SEMA4C: variants seen among roughly 807,000 people sequenced by gnomAD.
SEMA4C encodes semaphorin-4C.
In SEMA4C, 19 loss-of-function variants were observed where a neutral mutation model predicts 89.0. That is an observed-to-expected ratio of 0.21 (90% confidence interval 0.15 to 0.31). The LOEUF is 0.31. Ranked by LOEUF, SEMA4C falls within the 10% of genes least tolerant of loss-of-function variation. The probability of loss-of-function intolerance (pLI) is 1.00; values close to 1 mark genes in which losing one functional copy is unlikely to be tolerated. For missense variants in SEMA4C, 811 were observed against 1,107.0 expected, an observed-to-expected ratio of 0.73 and a Z score of 3.79; for synonymous variants, 428 against 472.7, an observed-to-expected ratio of 0.91 and a Z score of 1.23.
rs752087989 is a variant in SEMA4C at position 96,861,107 on chromosome 2, G to A, written c.2021C>T (p.Ala674Val). 17 of 1,611,772 alleles carry A rather than the reference G, an allele frequency of 1.1e-5. No individual in the cohort carries two copies. In the South Asian group the frequency reaches 1.9e-4, roughly 18 times the overall value. The change falls in exon 15 of 15, where the codon GCT becomes GTT. Residue 674 changes from alanine to valine, a missense_variant. Ala to Val is a moderately conservative substitution (Grantham distance 64, BLOSUM62 0). Transcript: ENST00000305476. The surrounding 1 kb of genome is among the most constrained non-coding windows in gnomAD (Gnocchi z 7.8). ...CAGCAGCAGCAGCACCAGGCACACAGCCCCCAGGGCCACCACCGCCAGCCA... is the reference window on the plus strand; with the variant it reads ...CAGCAGCAGCAGCACCAGGCACACAACCCCCAGGGCCACCACCGCCAGCCA... ...LVWLAVVALG[A>V]VCLVLLLLVL...
intron 1 of SEMA4C, chr2:96,868,437 G>C (rs372099937): frequency 1.0e-6 from 1 of 1,001,002 alleles, no homozygotes; most frequent in African/African-American, 1.7e-5. Flanking sequence ...GGCTGCGAGC[G>C]GAGGTCCCGG....
At chr2:96,869,258 C>T in intron 1 of SEMA4C, 1 of 985,386 alleles carries the variant, frequency 1.0e-6, no homozygotes, top group Non-Finnish European at 1.2e-6. Context: ...CCCGCAGCTC[C>T]CCCCAGGGCG....
intron 1 of SEMA4C, chr2:96,868,871 G>C (rs920446944): frequency 1.0e-6 from 1 of 985,312 alleles, no homozygotes. Context: ...GCGCCCCAGG[G>C]ACCCTGGCCT....
chr2:96,868,809 C>G (rs2080142007), intron 1 of SEMA4C: 1 of 985,306 alleles, frequency 1.0e-6, no homozygotes, highest in Middle Eastern at 5.2e-4. Flanking sequence ...CGCGCACGGC[C>G]GGCACCCGCT....
At chr2:96,867,747 T>C (rs1161973072) in intron 2 of SEMA4C, 31 bp downstream of exon 2, 2 of 1,604,674 alleles carry the variant, frequency 1.2e-6, no homozygotes, top group Middle Eastern at 1.7e-4. Context: ...AGCCTGTCCC[T>C]GACTTCCTCC....
At chr2:96,869,739 C>T (rs992335363) in intron 1 of SEMA4C, 137 bp downstream of exon 1, 2 of 985,424 alleles carry the variant, frequency 2.0e-6, no homozygotes, top group Non-Finnish European at 2.4e-6. Context: ...CCGCGTACAG[C>T]CGTCTCCGCC....
At position 96,867,943 on chromosome 2, in the gene SEMA4C, G is replaced by A. The variant is rs541702862; in HGVS notation, c.-37-20C>T. 1.2e-6 allele frequency: 2 copies of A among 1,612,052 alleles called. No individual in the cohort carries two copies. The highest frequency in any genetic ancestry group is 8.5e-7 in the Non-Finnish European group (1 of 1,179,722). On this transcript the variant is annotated intron_variant, in intron 1 of 14. Coordinates refer to ENST00000305476, the MANE Select transcript of SEMA4C (RefSeq NM_017789.5). ...GCTGTCCTGCTGAGGGAAAAGACAT[G>A]GTCAGAAATCACAGCCAGAGAAAGC...
At chr2:96,870,131 G>C, upstream of SEMA4C, 1 of 973,366 alleles carries the variant, frequency 1.0e-6, no homozygotes, top group Non-Finnish European at 1.2e-6. Context: ...GGCTGGGGGG[G>C]TCGAGCGGAG....
intron 2 of SEMA4C, 191 bp from the exon 3 acceptor site, chr2:96,866,622 G>A (rs2080078547): frequency 2.6e-6 from 2 of 781,234 alleles, no homozygotes; most frequent in East Asian, 2.7e-5. Context: ...GCCTTTCCCA[G>A]CCTGGGAGGA....
At chr2:96,867,371 A>C (rs943693055) in intron 2 of SEMA4C, among the ~76,000 whole-genome samples, 4 of 152,206 alleles carry the variant, frequency 2.6e-5, no homozygotes, top group Non-Finnish European at 2.9e-5. Flanking sequence ...GCATGTGCAC[A>C]TACACACACA....
At chr2:96,869,409 GCGGCCCGGCT>G (rs1281478351) in intron 1 of SEMA4C, 3 of 985,000 alleles carry the variant, frequency 3.0e-6, no homozygotes, top group Non-Finnish European at 3.6e-6. Context: ...CGGGGACGGC[GCGGCCCGGCT>G]CGGCCCGGGG....
chr2:96,867,775 C>T lies in SEMA4C; in HGVS notation c.109+3G>A. The T allele has an allele frequency of 6.2e-7, 1 of 1,613,260 alleles. No homozygotes were observed. The highest frequency in any genetic ancestry group is 8.5e-7 in the Non-Finnish European group (1 of 1,179,682). On this transcript the variant is annotated splice_donor_region_variant and intron_variant, in intron 2 of 14. Transcript: ENST00000305476. ...CTTCCTCCTCACCCCTCCAGGCACT[C>T]ACCCCCAGAAGACACTGTCTTACGC...
chr2:96,870,228 C>T (rs778239780), upstream of SEMA4C: 107 of 985,246 alleles, frequency 1.1e-4, no homozygotes, highest in Non-Finnish European at 1.2e-4. Flanking sequence ...CCCGGGGGCT[C>T]GGACCTCCGC....
At position 96,864,026 on chromosome 2, in the gene SEMA4C, G is replaced by A; in HGVS notation, c.1230C>T (p.Arg410=). ...TGGTGCCCTTCTTCACGAGCAGGGG[G>A]CGGCTCCACCGAGGCCCCACCTGCT... is the stretch of plus-strand genomic sequence containing the variant. ...MEEQVGPRWS[R]PLLVKKGTNF... Residue 410 remains arginine (R), a synonymous_variant, in exon 11 of 15, where the codon CGC becomes CGT. Transcript: ENST00000305476. This position sits in a 1 kb window ranked among gnomAD's most constrained non-coding sequence, Gnocchi z 6.3. 6.2e-7 allele frequency: 1 copy of A among 1,613,342 alleles called. No homozygotes were observed. The highest frequency in any genetic ancestry group is 8.5e-7 in the Non-Finnish European group (1 of 1,179,992).
chr2:96,870,784 A>G (rs2080181309), upstream of SEMA4C: 1 of 983,902 alleles, frequency 1.0e-6, no homozygotes. Flanking sequence ...GGCTGTGGGG[A>G]GCCACGCTGC....
At chr2:96,867,988 C>G in intron 1 of SEMA4C, 65 bp from the exon 2 acceptor site, 2 of 1,575,270 alleles carry the variant, frequency 1.3e-6, no homozygotes, top group South Asian at 1.1e-5. Flanking sequence ...GGGCCCGCAG[C>G]AGGAGAGGCC....
chr2:96,862,312 C>T (rs1414111192), intron 12 of SEMA4C: 3 of 174,768 alleles, frequency 1.7e-5, no homozygotes, highest in Non-Finnish European at 3.7e-5. Flanking sequence ...TATTCAACCA[C>T]ACACTTTCTT....
At chr2:96,863,629 G>A (rs1334583575) in intron 12 of SEMA4C, 53 bp downstream of exon 12, 5 of 1,523,132 alleles carry the variant, frequency 3.3e-6, no homozygotes, top group Admixed American at 3.4e-5. Flanking sequence ...CAGATGGAGA[G>A]AGTGAGATGG....
Position 96,864,817 on chromosome 2 carries a change from C to A in SEMA4C, c.850G>T (p.Ala284Ser). 6.2e-7 allele frequency: 1 copy of A among 1,613,904 alleles called. No homozygotes were observed. Among genetic ancestry groups the A allele is most frequent in the Non-Finnish European group, 8.5e-7 (1 of 1,180,004 alleles). ...KWTTFLKARLACSAPNWQLYF... is the reference protein window; with the variant it reads ...KWTTFLKARLSCSAPNWQLYF... The stretch of plus-strand genomic sequence containing the variant: ...AGCTGCCAGTTCGGGGCAGAGCATG[C>A]CAGCCGCGCCTTCAGGAACGTGGTC... Residue 284 changes from alanine (A) to serine (S), a missense_variant, in exon 9 of 15, where the codon GCA (alanine) becomes TCA (serine). Transcript: ENST00000305476. This position sits in a 1 kb window ranked among gnomAD's most constrained non-coding sequence, Gnocchi z 6.3.
Sources: allele counts gnomAD v4.1 joint callset (sites outside exome capture counted in the v4.1 genomes callset), GRCh38; gene constraint gnomAD v4.1.1; non-coding constraint Gnocchi (gnomAD v3.1); transcripts MANE v1.5; gene names NCBI Gene and HGNC (gene_info 2026-07-23, HGNC 2026-07-21).